The following PARP12 variants were observed in gnomAD, a reference collection of about 807,000 sequenced individuals.
PARP12 encodes the protein poly(ADP-ribose) polymerase family member 12.
A neutral mutation model predicts 72.4 loss-of-function variants in PARP12; 59 were observed. The observed-to-expected ratio is 0.81, with a 90% CI of 0.66 to 1.01. PARP12 has a LOEUF of 1.01. Among genes scored for constraint, PARP12 ranks in the 50% least tolerant of loss-of-function variants. The pLI, the probability that PARP12 is intolerant of heterozygous loss-of-function variation, is 0.00. For synonymous variants in PARP12, 403 were observed against 371.4 expected, an observed-to-expected ratio of 1.09 and a Z score of -0.98; for missense variants, 851 against 914.0, an observed-to-expected ratio of 0.93 and a Z score of 0.89.
chr7:140,035,782 G>A (rs1389699153), intron 7 of PARP12, among the ~76,000 whole-genome samples: 1 of 150,172 alleles, frequency 6.7e-6, no homozygotes, highest in Non-Finnish European at 1.5e-5. Flanking sequence ...AAGTTGTGGG[G>A]GAAGAAGCCA....
chr7:140,054,888 TG>T (rs1175728817), intron 3 of PARP12, 125 bp from the exon 4 acceptor site: 20 of 780,676 alleles, frequency 2.6e-5, no homozygotes, highest in Middle Eastern at 2.3e-4. Flanking sequence ...CTATCGTGTT[TG>T]GGGTGAAAGT....
At chr7:140,041,961 A>G (rs1816493199) in intron 5 of PARP12, 122 bp from the exon 6 acceptor site, 5 of 817,644 alleles carry the variant, frequency 6.1e-6, no homozygotes, top group African/African-American at 1.7e-5. Context: ...ATTTTAGAAA[A>G]AGTTCCCAGA....
chr7:140,062,828 A>G lies in PARP12; in HGVS notation c.20T>C (p.Val7Ala). ...GCACAGCACCTGGGTGACCTCACCG[A>G]CGACGCCGGCCTGGGCCATGGCCGC... The part of the protein sequence containing the change: MAQAGV[V>A]GEVTQVLCAA... The change falls in exon 1 of 12, where the codon GTC becomes GCC. Residue 7 changes from valine to alanine, a missense_variant. Physicochemically the swap from Val to Ala is moderately conservative, Grantham distance 64. Coordinates refer to ENST00000263549, the MANE Select transcript of PARP12 (RefSeq NM_022750.4). 1 of 1,401,438 alleles carries G rather than the reference A, an allele frequency of 7.1e-7. No homozygotes were observed. The highest frequency in any genetic ancestry group is 9.3e-7 in the Non-Finnish European group (1 of 1,075,316). The allele number at this position is 1,401,438 out of a possible 1,614,324, so 86.8% of individuals were successfully genotyped here.
intron 7 of PARP12, among the ~76,000 whole-genome samples, chr7:140,036,443 C>T (rs1816199966): frequency 6.6e-6 from 1 of 152,098 alleles, no homozygotes; most frequent in Non-Finnish European, 1.5e-5. Flanking sequence ...TGGCGCTCTC[C>T]AGCAGAGGCA....
chr7:140,062,863 TC>T lies in PARP12; in HGVS notation c.-17del. 1 of 1,277,156 alleles carries T rather than the reference TC, an allele frequency of 7.8e-7. No homozygotes were observed. The highest frequency in any genetic ancestry group is 9.9e-7 in the Non-Finnish European group (1 of 1,014,174). The allele number at this position is 1,277,156 out of a possible 1,614,324, so 79.1% of individuals were successfully genotyped here. ...CCTGGGCCATGGCCGCTGGGCCTGC[TC>T]CCGTCGGACCGCGGGTGGCGCGACG... On this transcript the variant is annotated 5_prime_UTR_variant, in exon 1 of 12. Coordinates refer to ENST00000263549, the MANE Select transcript of PARP12 (RefSeq NM_022750.4).
intron 8 of PARP12, among the ~76,000 whole-genome samples, chr7:140,032,559 A>C (rs1172383896): frequency 2.6e-5 from 4 of 152,168 alleles, no homozygotes; most frequent in East Asian, 1.9e-4. Context: ...ACTGAAAACA[A>C]CACAAACATC....
intron 2 of PARP12, chr7:140,057,451 T>C (rs1817233529): frequency 4.4e-6 from 2 of 452,110 alleles, no homozygotes; most frequent in Non-Finnish European, 7.8e-6. Context: ...ATCAAATGGC[T>C]ACATCCTAAG....
At chr7:140,034,155 G>A in intron 8 of PARP12, 80 bp downstream of exon 8, 1 of 1,537,122 alleles carries the variant, frequency 6.5e-7, no homozygotes, top group East Asian at 2.4e-5. Flanking sequence ...GGTGCTGTCT[G>A]AGGCAGGTTT....
chr7:140,057,380 C>A, intron 2 of PARP12: 1 of 566,792 alleles, frequency 1.8e-6, no homozygotes, highest in Non-Finnish European at 3.1e-6. Flanking sequence ...AGCCCCTCCA[C>A]TGGGAAAATC....
intron 9 of PARP12, among the ~76,000 whole-genome samples, chr7:140,028,028 C>T (rs950349206): frequency 4.6e-5 from 7 of 152,212 alleles, no homozygotes; most frequent in Admixed American, 2.6e-4. Flanking sequence ...GGGACCGTCA[C>T]GTTTTAAAGC....
intron 6 of PARP12, among the ~76,000 whole-genome samples, chr7:140,039,847 C>T (rs59632015): frequency 3.9e-4 from 60 of 152,262 alleles, no homozygotes; most frequent in African/African-American, 1.4e-3. Flanking sequence ...CGTGGCATAT[C>T]AATAACATCC....
At chr7:140,043,687 C>G (rs112480746) in intron 5 of PARP12, among the ~76,000 whole-genome samples, 1 of 152,014 alleles carries the variant, frequency 6.6e-6, no homozygotes, top group Non-Finnish European at 1.5e-5. Context: ...TGCACCACCA[C>G]GCCCAGCTAA....
In PARP12 at chr7:140,024,888, G is replaced by C; in HGVS notation, c.1781-3C>G. 3 of 1,611,768 alleles carry C rather than the reference G, an allele frequency of 1.9e-6. No individual in the cohort carries two copies. The highest frequency in any genetic ancestry group is 2.5e-6 in the Non-Finnish European group (3 of 1,178,234). On this transcript the variant is annotated splice_polypyrimidine_tract_variant and splice_region_variant and intron_variant, in intron 11 of 11. Transcript: ENST00000263549. ...AGCATCTCGGGCAAAGTAGCTCCCT[G>C]AAATGACACACGAGGGCTCAGCTGG...
intron 8 of PARP12, among the ~76,000 whole-genome samples, chr7:140,030,822 CGTTAGT>C (rs1815914834): frequency 1.3e-5 from 2 of 152,128 alleles, no homozygotes; most frequent in African/African-American, 4.8e-5. Context: ...GTTCAGCTAT[CGTTAGT>C]GTTAGTGTAT....
In PARP12 at chr7:140,062,888, C is replaced by A. The variant is rs949421121; in HGVS notation, c.-41G>T. ...TCCCGTCGGACCGCGGGTGGCGCGA[C>A]GCGGACGGCGGCGGACGCTGGCTGG... On this transcript the variant is annotated 5_prime_UTR_variant, in exon 1 of 12. Transcript: ENST00000263549. The A allele has an allele frequency of 4.9e-6, 6 of 1,231,884 alleles. No homozygotes were observed. Among genetic ancestry groups the A allele is most frequent in the South Asian group, 5.9e-5 (2 of 33,904 alleles). 76.3% of individuals were successfully genotyped at this position (1,231,884 alleles called of 1,614,324 possible). A position where few individuals can be genotyped will look rare whatever the true frequency, so the allele number is the denominator to read the frequency against.
chr7:140,057,067 A>T lies in PARP12; in HGVS notation c.549T>A (p.Tyr183Ter), dbSNP rs1219282169. The change falls in exon 3 of 12, where the codon TAT becomes TAA. Residue 183 changes from tyrosine to a stop codon, truncating the protein, a stop_gained. Transcript: ENST00000263549. LOFTEE classifies it high-confidence loss of function. ...CAAACTTGCATTCCCCCTGTAAAAA[A>T]TACTGGCAGATATGGAGCTTGATGC... ...KQCIKLHICQ[Y>*]FLQGECKFGT... 1.2e-6 allele frequency: 2 copies of T among 1,614,224 alleles called. No individual in the cohort carries two copies. Among genetic ancestry groups the T allele is most frequent in the Non-Finnish European group, 8.5e-7 (1 of 1,180,044 alleles).
chr7:140,038,589 GAGCACTT>G (rs1484154993), intron 6 of PARP12, among the ~76,000 whole-genome samples: 1 of 152,086 alleles, frequency 6.6e-6, no homozygotes, highest in Non-Finnish European at 1.5e-5. Flanking sequence ...AAGGCATGTG[GAGCACTT>G]AGTACAGTGC....
intron 5 of PARP12, 22 bp downstream of exon 5, chr7:140,046,862 A>T (rs1474704001): frequency 6.2e-7 from 1 of 1,606,052 alleles, no homozygotes; most frequent in Admixed American, 1.7e-5. Context: ...CACAAAGCAG[A>T]GACAAGGGAC....
chr7:140,025,100 G>A (rs1815681297), intron 11 of PARP12: 1 of 572,302 alleles, frequency 1.7e-6, no homozygotes, highest in South Asian at 2.1e-5. Flanking sequence ...CATCTGAGGA[G>A]TTACCAAACT....
Sources: allele counts gnomAD v4.1 joint callset (sites outside exome capture counted in the v4.1 genomes callset), GRCh38; gene constraint gnomAD v4.1.1; transcripts MANE v1.5; gene names NCBI Gene and HGNC (gene_info 2026-07-23, HGNC 2026-07-21).